Variants in DNAH12 observed in about 807,000 individuals in gnomAD.
DNAH12 encodes the protein axonemal beta dynein heavy chain 12.
In DNAH12, 285 loss-of-function variants were observed where a neutral mutation model predicts 371.5. That is an observed-to-expected ratio of 0.77 (90% CI 0.70 to 0.85). The LOEUF (loss-of-function observed/expected upper bound fraction) is 0.85, where lower values mean the gene tolerates loss of function less well. DNAH12 is among the 40% of genes least tolerant of loss of function. The pLI, the probability that DNAH12 is intolerant of heterozygous loss-of-function variation, is 0.00. For missense variants in DNAH12, 3,611 were observed against 3,689.4 expected, an observed-to-expected ratio of 0.98 and a Z score of 0.55; for synonymous variants, 1,200 against 1,213.0, an observed-to-expected ratio of 0.99 and a Z score of 0.22.
In DNAH12 at chr3:57,408,469, A is replaced by AGGGC; in HGVS notation, c.6083_6086dup (p.Gly2031SerfsTer22). 47 of 1,551,500 alleles carry AGGGC rather than the reference A, an allele frequency of 3.0e-5. No homozygotes were observed. Among genetic ancestry groups the AGGGC allele is most frequent in the Non-Finnish European group, 4.0e-5 (46 of 1,146,898 alleles). ...TAACTGGATTTCTTCCACCACCTGGAGGGCCCATTGCAGCAATCAGCTCTA... is the reference window on the plus strand; with the variant it reads ...TAACTGGATTTCTTCCACCACCTGGAGGGCGGGCCCATTGCAGCAATCAGCTCTA... On this transcript the variant is annotated frameshift_variant, in exon 40 of 74. Coordinates refer to ENST00000495027, the MANE Select transcript of DNAH12 (RefSeq NM_001366028.2). LOFTEE classifies it high-confidence loss of function.
Position 57,423,361 on chromosome 3 carries a change from T to C in DNAH12, c.5374-1655A>G, listed in dbSNP as rs1055883868. 3.9e-5 allele frequency among the ~76,000 whole-genome samples: 6 copies of C among 152,270 alleles called. 1 individual carries two copies. In the South Asian group the frequency reaches 1.2e-3, roughly 32 times the overall value. On this transcript the variant is annotated intron_variant, in intron 35 of 73. Coordinates refer to ENST00000495027, the MANE Select transcript of DNAH12 (RefSeq NM_001366028.2). ...GATATGGAAGAAAGCTAAAACTTAG[T>C]TTTGTAAAAGGCGGTTCCAAACCTA...
At chr3:57,353,925 G>C (rs903091425) in intron 59 of DNAH12, among the ~76,000 whole-genome samples, 35 of 152,308 alleles carry the variant, frequency 2.3e-4, no homozygotes, top group South Asian at 8.3e-4. Context: ...TACACTGCTG[G>C]TGGGAATGTA....
chr3:57,413,000 AC>A, intron 39 of DNAH12, among the ~76,000 whole-genome samples: 1 of 152,304 alleles, frequency 6.6e-6, no homozygotes, highest in Non-Finnish European at 1.5e-5. Flanking sequence ...GTTTATAGCA[AC>A]TTTATTCATA....
At chr3:57,433,271 G>T (rs2065010731) in intron 32 of DNAH12, 96 bp downstream of exon 32, 4 of 1,321,010 alleles carry the variant, frequency 3.0e-6, no homozygotes, top group Middle Eastern at 2.2e-4. Context: ...CTTTATTTTT[G>T]CATCCTTTAT....
At chr3:57,470,907 A>G (rs2153380416) in intron 15 of DNAH12, among the ~76,000 whole-genome samples, 1 of 151,504 alleles carries the variant, frequency 6.6e-6, no homozygotes, top group East Asian at 2.0e-4. Context: ...GGGTTTTGCC[A>G]TGTTGGCTAG....
At chr3:57,529,930 C>T (rs1234375379) in intron 2 of DNAH12, among the ~76,000 whole-genome samples, 1 of 152,036 alleles carries the variant, frequency 6.6e-6, no homozygotes, top group Non-Finnish European at 1.5e-5. Context: ...TCATATGTTG[C>T]ATTTCCATTA....
intron 12 of DNAH12, among the ~76,000 whole-genome samples, chr3:57,485,414 T>C (rs991685883): frequency 9.2e-5 from 14 of 152,008 alleles, no homozygotes; most frequent in African/African-American, 3.4e-4. Flanking sequence ...ATTCTTTTTT[T>C]TTTTTCTTTT....
At position 57,433,258 on chromosome 3, in the gene DNAH12, A is replaced by G. The variant is rs189978213; in HGVS notation, c.4980+109T>C. 3 of 1,282,986 alleles carry G rather than the reference A, an allele frequency of 2.3e-6. No individual in the cohort carries two copies. In the African/African-American group the frequency reaches 4.6e-5, roughly 20 times the overall value. The allele number at this position is 1,282,986 out of a possible 1,614,324, so 79.5% of individuals were successfully genotyped here. ...TTTATAAACCTACTCAACTTGCTGCATCCTTTATTTTTGCATCCTTTATTT... is the reference window on the plus strand; with the variant it reads ...TTTATAAACCTACTCAACTTGCTGCGTCCTTTATTTTTGCATCCTTTATTT... On this transcript the variant is annotated intron_variant, in intron 32 of 73. Transcript: ENST00000495027.
At chr3:57,319,433 T>C (rs1430457638) in intron 65 of DNAH12, among the ~76,000 whole-genome samples, 1 of 152,240 alleles carries the variant, frequency 6.6e-6, no homozygotes, top group Non-Finnish European at 1.5e-5. Flanking sequence ...AGGAGTGGGC[T>C]TCCATGCCTT....
At chr3:57,327,940 C>T (rs1018307945) in intron 62 of DNAH12, among the ~76,000 whole-genome samples, 1 of 152,012 alleles carries the variant, frequency 6.6e-6, no homozygotes, top group Non-Finnish European at 1.5e-5. Context: ...CACCTCTACA[C>T]AAATAAACTA....
intron 43 of DNAH12, among the ~76,000 whole-genome samples, chr3:57,397,567 TG>T (rs2063771156): frequency 6.6e-6 from 1 of 152,144 alleles, no homozygotes; most frequent in African/African-American, 2.4e-5. Context: ...GTGAGTTCCC[TG>T]GTGGGTTAGA....
rs1333098251 is a variant in DNAH12, at chr3:57,433,555, T to G, written c.4840-48A>C. ...AAAAAGCTCTCCTCATAAAATTAGA[T>G]TTAGGAGTAAAACTATGAAAATACT... is the stretch of plus-strand genomic sequence containing the variant. On this transcript the variant is annotated intron_variant, in intron 31 of 73. Transcript: ENST00000495027. 4 of 1,541,494 alleles carry G rather than the reference T, an allele frequency of 2.6e-6. No individual in the cohort carries two copies. In the East Asian group the frequency reaches 9.8e-5, roughly 38 times the overall value.
chr3:57,546,358 C>T (rs141260487), upstream of DNAH12, among the ~76,000 whole-genome samples: 42 of 152,266 alleles, frequency 2.8e-4, no homozygotes, highest in East Asian at 6.6e-3. Flanking sequence ...CAGGTGTTAT[C>T]TCAGACAATG....
chr3:57,540,197 C>A (rs1282706827), intron 2 of DNAH12, among the ~76,000 whole-genome samples: 1 of 151,972 alleles, frequency 6.6e-6, no homozygotes, highest in Non-Finnish European at 1.5e-5. Context: ...ATTACAGATG[C>A]CCGCCAAGAC....
intron 12 of DNAH12, among the ~76,000 whole-genome samples, chr3:57,485,541 A>G (rs2066895682): frequency 6.6e-6 from 1 of 151,340 alleles, no homozygotes; most frequent in Admixed American, 6.6e-5. Context: ...AGCTGGGATT[A>G]CAGGCGCGTG....
rs879293648 is a variant in DNAH12 at position 57,302,529 on chromosome 3, G to GTTTATATATATATATATATATA, written c.11190-591_11190-590insTATATATATATATATATATAAA. 1.4e-3 allele frequency among the ~76,000 whole-genome samples: 69 copies of GTTTATATATATATATATATATA among 47,850 alleles called. 11 individuals carry two copies. Among genetic ancestry groups the GTTTATATATATATATATATATA allele is most frequent in the East Asian group, 4.7e-3 (4 of 858 alleles). 31.4% of individuals were successfully genotyped at this position (47,850 alleles called of 152,430 possible). A position where few individuals can be genotyped will look rare whatever the true frequency, so the allele number is the denominator to read the frequency against. On this transcript the variant is annotated intron_variant, in intron 69 of 73. Coordinates refer to ENST00000495027, the MANE Select transcript of DNAH12 (RefSeq NM_001366028.2). ...TGCTGAATTAACTAAGGCATCAGGT[G>GTTTATATATATATATATATATA]TATATATATATATATATATATATAT... is the stretch of plus-strand genomic sequence containing the variant.
intron 29 of DNAH12, among the ~76,000 whole-genome samples, chr3:57,444,082 T>A (rs927894327): frequency 2.6e-4 from 39 of 151,832 alleles, no homozygotes; most frequent in African/African-American, 8.5e-4. Flanking sequence ...TTGCCTGTAA[T>A]CCCAGCTACT....
At chr3:57,362,770 C>T (rs1223531026) in intron 58 of DNAH12, among the ~76,000 whole-genome samples, 1 of 151,956 alleles carries the variant, frequency 6.6e-6, no homozygotes, top group African/African-American at 2.4e-5. Context: ...GGATATTAGC[C>T]CTTTGCCAGA....
intron 66 of DNAH12, among the ~76,000 whole-genome samples, chr3:57,312,539 C>T (rs1482244994): frequency 6.6e-6 from 1 of 152,204 alleles, no homozygotes; most frequent in Non-Finnish European, 1.5e-5. Flanking sequence ...AAGGATTAAT[C>T]CTCAATCATC....
Sources: gnomAD v4.1 joint callset for allele counts (sites outside exome capture counted in the v4.1 genomes callset) on GRCh38, gnomAD v4.1.1 for gene constraint, MANE v1.5 for transcripts, NCBI Gene and HGNC (gene_info 2026-07-23, HGNC 2026-07-21) for gene names.